DNER: variants seen among roughly 807,000 people sequenced by gnomAD.
DNER encodes the protein delta and Notch-like epidermal growth factor-related receptor.
DNER carries 33 observed loss-of-function variants against 78.2 expected under a neutral mutation model. The observed-to-expected ratio is 0.42, with a 90% CI of 0.32 to 0.56. The LOEUF (loss-of-function observed/expected upper bound fraction) is 0.56. DNER is among the 20% of genes least tolerant of loss of function. The pLI, the probability that DNER is intolerant of heterozygous loss-of-function variation, is 0.11. For missense variants in DNER, 918 were observed against 975.3 expected (o/e 0.94, Z 0.78); for synonymous variants, 417 against 384.8 (o/e 1.08, Z -0.98).
chr2:229,550,483 G>A (rs1159857421), intron 4 of DNER, among the ~76,000 whole-genome samples: 2 of 152,022 alleles, frequency 1.3e-5, no homozygotes, highest in Non-Finnish European at 2.9e-5. Context: ...GTTCTTATAA[G>A]TACGTTAAGT....
chr2:229,571,057 G>C (rs1697210648), intron 4 of DNER, among the ~76,000 whole-genome samples: 1 of 152,164 alleles, frequency 6.6e-6, no homozygotes, highest in South Asian at 2.1e-4. Context: ...GGGTGAAGCG[G>C]GGAGGCCAGT....
At chr2:229,423,596 T>C (rs529297632) in intron 8 of DNER, among the ~76,000 whole-genome samples, 5 of 141,454 alleles carry the variant, frequency 3.5e-5, no homozygotes, top group African/African-American at 1.1e-4. Flanking sequence ...GCCTGGGAGA[T>C]AGAGCGAGAC....
chr2:229,521,747 G>A (rs1278014736), intron 5 of DNER, among the ~76,000 whole-genome samples: 1 of 152,130 alleles, frequency 6.6e-6, no homozygotes, highest in Non-Finnish European at 1.5e-5. Context: ...GACTATAAAT[G>A]CCTTTTCCTG....
intron 1 of DNER, among the ~76,000 whole-genome samples, chr2:229,621,275 A>G (rs923853050): frequency 6.6e-5 from 10 of 152,192 alleles, no homozygotes; most frequent in Admixed American, 6.5e-4. Flanking sequence ...TCATTCCTAC[A>G]TACCGTTGTC....
chr2:229,662,186 G>A (rs146746133), intron 1 of DNER, among the ~76,000 whole-genome samples: 58 of 152,228 alleles, frequency 3.8e-4, no homozygotes, highest in Admixed American at 5.9e-4. Flanking sequence ...ACACAATGTC[G>A]TCAGGCGAAC....
intron 4 of DNER, among the ~76,000 whole-genome samples, chr2:229,567,215 C>T (rs1371889485): frequency 6.6e-6 from 1 of 152,220 alleles, no homozygotes; most frequent in African/African-American, 2.4e-5. Flanking sequence ...TTTTTATTAT[C>T]AACTACAGTC....
chr2:229,503,525 C>T (rs1339153956), intron 6 of DNER, among the ~76,000 whole-genome samples: 1 of 152,184 alleles, frequency 6.6e-6, no homozygotes, highest in Non-Finnish European at 1.5e-5. Flanking sequence ...ATTGTCTCAG[C>T]TCAATTATAA....
intron 4 of DNER, among the ~76,000 whole-genome samples, chr2:229,584,648 GA>G (rs1283343749): frequency 6.6e-6 from 1 of 152,142 alleles, no homozygotes; most frequent in Non-Finnish European, 1.5e-5. Flanking sequence ...CAAAGCGGAG[GA>G]ATTAGAAAAC....
At chr2:229,433,479 AAAAG>A (rs1429704971) in intron 8 of DNER, among the ~76,000 whole-genome samples, 1 of 152,236 alleles carries the variant, frequency 6.6e-6, no homozygotes, top group Admixed American at 6.5e-5. Flanking sequence ...GACGTATTGG[AAAAG>A]AAAGGCCAGA....
chr2:229,576,194 T>C (rs1697297390), intron 4 of DNER, among the ~76,000 whole-genome samples: 1 of 152,206 alleles, frequency 6.6e-6, no homozygotes, highest in African/African-American at 2.4e-5. Flanking sequence ...AAGTTTTCAG[T>C]GAAAGATGTT....
At chr2:229,549,965 T>A (rs575985712) in intron 4 of DNER, among the ~76,000 whole-genome samples, 2 of 152,042 alleles carry the variant, frequency 1.3e-5, no homozygotes, top group South Asian at 2.1e-4. Flanking sequence ...TTGTGTACAA[T>A]GAAATCTTAT....
chr2:229,694,408 G>T (rs187866871), intron 1 of DNER, among the ~76,000 whole-genome samples: 63 of 152,334 alleles, frequency 4.1e-4, no homozygotes, highest in African/African-American at 1.5e-3. Context: ...CAGAATGGTA[G>T]ACCCACTAAC....
chr2:229,526,998 G>C (rs1696223262), intron 5 of DNER, among the ~76,000 whole-genome samples: 2 of 151,692 alleles, frequency 1.3e-5, no homozygotes, highest in Non-Finnish European at 2.9e-5. Flanking sequence ...GGTGTGGAAG[G>C]CAAGCTCAAA....
intron 11 of DNER, among the ~76,000 whole-genome samples, chr2:229,370,250 T>C (rs1692450974): frequency 6.6e-6 from 1 of 152,030 alleles, no homozygotes. Flanking sequence ...AACAGAAAAA[T>C]GACCCACGTG....
chr2:229,417,510 G>GA, intron 9 of DNER, among the ~76,000 whole-genome samples: 2 of 152,012 alleles, frequency 1.3e-5, no homozygotes, highest in East Asian at 3.9e-4. Context: ...TGAAGATGCT[G>GA]GGAAAGGGCT....
At chr2:229,664,466 G>C (rs1699057038) in intron 1 of DNER, among the ~76,000 whole-genome samples, 1 of 152,036 alleles carries the variant, frequency 6.6e-6, no homozygotes. Context: ...AACATAGCAA[G>C]TCCCCATCTC....
chr2:229,554,351 A>C (rs1280478646), intron 4 of DNER, among the ~76,000 whole-genome samples: 1 of 152,192 alleles, frequency 6.6e-6, no homozygotes, highest in Non-Finnish European at 1.5e-5. Context: ...CGAGCTTAGG[A>C]GTTCAAGACC....
At chr2:229,552,361 C>A (rs891243467) in intron 4 of DNER, among the ~76,000 whole-genome samples, 3 of 152,148 alleles carry the variant, frequency 2.0e-5, no homozygotes, top group Non-Finnish European at 4.4e-5. Context: ...TCTGTAGAAC[C>A]ATTTGCTTCC....
At chr2:229,498,289 A>AGGCCATAT (rs1016506821) in intron 6 of DNER, among the ~76,000 whole-genome samples, 1 of 152,182 alleles carries the variant, frequency 6.6e-6, no homozygotes, top group African/African-American at 2.4e-5. Context: ...AACACGATAA[A>AGGCCATAT]GGCCATATAT....
Sources: gnomAD v4.1 joint callset for allele counts (sites outside exome capture counted in the v4.1 genomes callset) on GRCh38, gnomAD v4.1.1 for gene constraint, MANE v1.5 for transcripts, NCBI Gene and HGNC (gene_info 2026-07-23, HGNC 2026-07-21) for gene names.